The following LRBA variants were observed in gnomAD, a reference collection of about 807,000 sequenced individuals.
LRBA encodes the protein LPS responsive beige-like anchor protein.
Under a neutral mutation model 330.0 loss-of-function variants are expected in LRBA, and 176 were observed. The observed-to-expected ratio is 0.53, with a 90% CI of 0.47 to 0.60. The LOEUF is 0.60. Among genes scored for constraint, LRBA ranks in the 20% least tolerant of loss-of-function variants. The probability of loss-of-function intolerance (pLI) is 0.00; values close to 1 mark genes in which losing one functional copy is unlikely to be tolerated. For synonymous variants in LRBA, 1,230 were observed against 1,193.0 expected (o/e 1.03, Z -0.64); for missense variants, 3,259 against 3,444.8 (o/e 0.95, Z 1.35).
chr4:150,712,950 G>A (rs1475660469), intron 36 of LRBA, among the ~76,000 whole-genome samples: 1 of 152,050 alleles, frequency 6.6e-6, no homozygotes, highest in African/African-American at 2.4e-5. Flanking sequence ...GATTTTGTGT[G>A]TTTTGAGATA....
At chr4:150,948,417 C>A (rs996662418) in intron 2 of LRBA, among the ~76,000 whole-genome samples, 12 of 151,928 alleles carry the variant, frequency 7.9e-5, no homozygotes, top group Admixed American at 3.9e-4. Flanking sequence ...GGAACAATTA[C>A]AAATGAACTT....
intron 23 of LRBA, 61 bp downstream of exon 23, chr4:150,851,824 T>C (rs1306767455): frequency 2.1e-6 from 3 of 1,449,796 alleles, no homozygotes; most frequent in East Asian, 2.4e-5. Flanking sequence ...TTTAAGTATA[T>C]ACACTTGCTC....
intron 2 of LRBA, among the ~76,000 whole-genome samples, chr4:150,951,262 A>G (rs1736801876): frequency 6.6e-6 from 1 of 152,178 alleles, no homozygotes; most frequent in Admixed American, 6.5e-5. Flanking sequence ...AGAAGGAACT[A>G]GCTGAATTAT....
chr4:150,739,782 G>A (rs548036105), intron 35 of LRBA, among the ~76,000 whole-genome samples: 3 of 152,230 alleles, frequency 2.0e-5, no homozygotes, highest in Admixed American at 6.5e-5. Flanking sequence ...ACAACAGCCC[G>A]CAAAGAATTC....
chr4:150,311,987 G>A (rs1731134371), intron 51 of LRBA, among the ~76,000 whole-genome samples: 1 of 152,044 alleles, frequency 6.6e-6, no homozygotes, highest in African/African-American at 2.4e-5. Flanking sequence ...GCAGTACTTT[G>A]TTCCACATGA....
At chr4:150,630,710 T>C (rs1356712407) in intron 37 of LRBA, among the ~76,000 whole-genome samples, 1 of 152,168 alleles carries the variant, frequency 6.6e-6, no homozygotes, top group Non-Finnish European at 1.5e-5. Context: ...ATTCCAAATT[T>C]GCTAAACTTT....
intron 40 of LRBA, among the ~76,000 whole-genome samples, chr4:150,560,365 T>C (rs1057165443): frequency 1.3e-5 from 2 of 152,116 alleles, no homozygotes; most frequent in African/African-American, 2.4e-5. Context: ...GTGATAAGCA[T>C]GTGATGAGAC....
chr4:150,502,359 G>A (rs1760393146), intron 40 of LRBA, among the ~76,000 whole-genome samples: 1 of 152,116 alleles, frequency 6.6e-6, no homozygotes, highest in African/African-American at 2.4e-5. Context: ...CTATTTCTAA[G>A]TAACTTAACT....
intron 47 of LRBA, among the ~76,000 whole-genome samples, chr4:150,362,541 C>A (rs1156633020): frequency 6.6e-6 from 1 of 152,148 alleles, no homozygotes; most frequent in Non-Finnish European, 1.5e-5. Context: ...AGCTGGAGAA[C>A]TTGTTAAAAC....
At chr4:150,957,038 A>C (rs538864114) in intron 2 of LRBA, among the ~76,000 whole-genome samples, 1 of 149,040 alleles carries the variant, frequency 6.7e-6, no homozygotes, top group African/African-American at 2.6e-5. Flanking sequence ...GTGTATGTGT[A>C]GTTTTATCAA....
chr4:150,553,741 G>T (rs1766925298), intron 40 of LRBA, among the ~76,000 whole-genome samples: 1 of 152,142 alleles, frequency 6.6e-6, no homozygotes, highest in Non-Finnish European at 1.5e-5. Flanking sequence ...CCTAAAAATA[G>T]ACACTAGAGA....
At chr4:150,396,181 G>A (rs1320109700) in intron 47 of LRBA, among the ~76,000 whole-genome samples, 1 of 152,128 alleles carries the variant, frequency 6.6e-6, no homozygotes, top group Non-Finnish European at 1.5e-5. Context: ...AAAGCAGAAG[G>A]ATGAATTCCC....
rs1745059216 is a variant in LRBA, at chr4:150,264,472, A to AATTAATG, written c.*1249_*1250insCATTAAT. 6.6e-6 allele frequency: 1 copy of AATTAATG among 151,706 alleles called. No homozygotes were observed. The highest frequency in any genetic ancestry group is 2.4e-5 in the African/African-American group (1 of 41,278). The allele number at this position is 151,706 out of a possible 1,614,324, so 9.4% of individuals were successfully genotyped here. A position where few individuals can be genotyped will look rare whatever the true frequency, so the allele number is the denominator to read the frequency against. Reference sequence around the variant, plus strand: ...TTTCTTTGTGAATCATTATTTTATTAATGATGTTTAAAATTTAGGAGCAAA... The same window carrying AATTAATG: ...TTTCTTTGTGAATCATTATTTTATTAATTAATGATGATGTTTAAAATTTAGGAGCAAA... On this transcript the variant is annotated 3_prime_UTR_variant, in exon 57 of 57. Coordinates refer to ENST00000651943, the MANE Select transcript of LRBA (RefSeq NM_001364905.1).
intron 47 of LRBA, among the ~76,000 whole-genome samples, chr4:150,358,711 C>A (rs1157652523): frequency 1.3e-5 from 2 of 152,030 alleles, no homozygotes; most frequent in Non-Finnish European, 2.9e-5. Context: ...GCAGCCATCA[C>A]AAAATGTATT....
intron 26 of LRBA, among the ~76,000 whole-genome samples, 195 bp from the exon 27 acceptor site, chr4:150,844,974 G>C (rs1021191957): frequency 9.2e-5 from 14 of 152,106 alleles, no homozygotes; most frequent in African/African-American, 3.1e-4. Flanking sequence ...TCCATGCTGT[G>C]GCCCAGTTAA....
chr4:150,931,305 A>T (rs1007267658), intron 2 of LRBA, among the ~76,000 whole-genome samples: 1 of 151,644 alleles, frequency 6.6e-6, no homozygotes, highest in South Asian at 2.1e-4. Context: ...AAAAGATTTA[A>T]AAAAAGGCAT....
chr4:150,834,750 T>C (rs1747754675), intron 28 of LRBA, among the ~76,000 whole-genome samples: 2 of 152,332 alleles, frequency 1.3e-5, no homozygotes, highest in Middle Eastern at 3.4e-3. Flanking sequence ...GCCTGTCCTT[T>C]GTAACACTGA....
intron 37 of LRBA, among the ~76,000 whole-genome samples, chr4:150,646,327 T>C (rs560073600): frequency 2.0e-4 from 30 of 152,144 alleles, no homozygotes; most frequent in African/African-American, 6.5e-4. Context: ...GGAAAGGCTA[T>C]GGATGAATAG....
At chr4:150,832,779 C>CT (rs1035599903) in intron 28 of LRBA, among the ~76,000 whole-genome samples, 28 of 151,864 alleles carry the variant, frequency 1.8e-4, no homozygotes, top group African/African-American at 6.5e-4. Context: ...GGAATTCCTT[C>CT]TTTTTTTTGA....
Sources: gnomAD v4.1 joint callset for allele counts (sites outside exome capture counted in the v4.1 genomes callset) on GRCh38, gnomAD v4.1.1 for gene constraint, MANE v1.5 for transcripts, NCBI Gene and HGNC (gene_info 2026-07-23, HGNC 2026-07-21) for gene names.